Variants in LEKR1 observed in about 807,000 individuals in gnomAD.
LEKR1 encodes protein LEKR1.
Under a neutral mutation model 72.4 loss-of-function variants are expected in LEKR1, and 59 were observed. The ratio of observed to expected loss-of-function variants is 0.82; its 90% CI spans 0.66 to 1.01. LEKR1 has a LOEUF of 1.01. Ranked by LOEUF, LEKR1 falls within the 50% of genes least tolerant of loss-of-function variation. The pLI, the probability that LEKR1 is intolerant of heterozygous loss-of-function variation, is 0.00. For synonymous variants in LEKR1, 257 were observed against 263.2 expected, an observed-to-expected ratio of 0.98 and a Z score of 0.23; for missense variants, 728 against 759.2, an observed-to-expected ratio of 0.96 and a Z score of 0.48.
At chr3:156,922,150 A>C (rs1724255871) in intron 4 of LEKR1, among the ~76,000 whole-genome samples, 1 of 152,196 alleles carries the variant, frequency 6.6e-6, no homozygotes, top group African/African-American at 2.4e-5. Context: ...TTTGTAATAG[A>C]TGAATAGAAA....
chr3:156,982,340 T>C (rs762157059), intron 7 of LEKR1, among the ~76,000 whole-genome samples: 2 of 151,212 alleles, frequency 1.3e-5, no homozygotes, highest in African/African-American at 2.4e-5. Context: ...TCCTCCACTC[T>C]AGAGGCCTCA....
chr3:156,995,935 C>G (rs1263428801), intron 9 of LEKR1, among the ~76,000 whole-genome samples: 3 of 152,094 alleles, frequency 2.0e-5, no homozygotes, highest in Admixed American at 1.3e-4. Context: ...CTTCTTTTTT[C>G]TAGGCTACTT....
intron 6 of LEKR1, among the ~76,000 whole-genome samples, chr3:156,963,443 C>A (rs182533291): frequency 7.2e-5 from 11 of 152,276 alleles, no homozygotes; most frequent in Admixed American, 3.3e-4. Flanking sequence ...CATTTATGGG[C>A]TGACAGCATA....
intron 9 of LEKR1, among the ~76,000 whole-genome samples, chr3:157,006,821 A>G (rs1732473627): frequency 6.6e-6 from 1 of 152,218 alleles, no homozygotes; most frequent in Non-Finnish European, 1.5e-5. Flanking sequence ...TTCAGAATAT[A>G]TCTACATATC....
intron 6 of LEKR1, among the ~76,000 whole-genome samples, chr3:156,974,105 A>G (rs1729489123): frequency 6.6e-6 from 1 of 152,188 alleles, no homozygotes; most frequent in Admixed American, 6.6e-5. Context: ...TATGGTGACA[A>G]GGTTTCAGGT....
chr3:156,981,574 C>T (rs1296137923), intron 7 of LEKR1, among the ~76,000 whole-genome samples: 3 of 152,172 alleles, frequency 2.0e-5, no homozygotes, highest in Admixed American at 2.0e-4. Flanking sequence ...TAAATGGCTC[C>T]AAGTGCTGGA....
chr3:156,970,025 A>G (rs1427588881), intron 6 of LEKR1, among the ~76,000 whole-genome samples: 1 of 152,240 alleles, frequency 6.6e-6, no homozygotes, highest in Non-Finnish European at 1.5e-5. Flanking sequence ...CAAAAACCAT[A>G]TGATTATCTC....
chr3:156,944,286 A>G (rs1726486765), intron 6 of LEKR1, among the ~76,000 whole-genome samples: 1 of 151,726 alleles, frequency 6.6e-6, no homozygotes, highest in African/African-American at 2.4e-5. Context: ...TTGTGGGTAC[A>G]TAGTAGGGGT....
chr3:156,849,444 T>C (rs1256009876), intron 2 of LEKR1, among the ~76,000 whole-genome samples: 2 of 152,068 alleles, frequency 1.3e-5, no homozygotes, highest in African/African-American at 2.4e-5. Context: ...GAGCCCACAT[T>C]GCCAAGTCAA....
intron 6 of LEKR1, among the ~76,000 whole-genome samples, chr3:156,965,731 G>A (rs1728504072): frequency 2.0e-5 from 3 of 152,150 alleles, no homozygotes; most frequent in Admixed American, 6.5e-5. Flanking sequence ...AATGAATTAT[G>A]TAAGTGGCTG....
At chr3:156,845,484 A>C (rs1435616659) in intron 2 of LEKR1, among the ~76,000 whole-genome samples, 1 of 151,020 alleles carries the variant, frequency 6.6e-6, no homozygotes, top group African/African-American at 2.4e-5. Flanking sequence ...TTTATATTTT[A>C]TATTTTTGTC....
At chr3:156,953,144 A>G (rs1274073530) in intron 6 of LEKR1, among the ~76,000 whole-genome samples, 1 of 144,820 alleles carries the variant, frequency 6.9e-6, no homozygotes, top group Non-Finnish European at 1.5e-5. Context: ...TGAATGAGAG[A>G]TGAATGAGGG....
At chr3:156,898,116 A>G (rs1178070177) in intron 3 of LEKR1, among the ~76,000 whole-genome samples, 1 of 152,168 alleles carries the variant, frequency 6.6e-6, no homozygotes, top group Non-Finnish European at 1.5e-5. Flanking sequence ...GAAAAAAAAT[A>G]TCTAGCTATG....
chr3:156,853,738 A>G (rs905962473), intron 3 of LEKR1, among the ~76,000 whole-genome samples: 1 of 152,110 alleles, frequency 6.6e-6, no homozygotes, highest in Non-Finnish European at 1.5e-5. Flanking sequence ...AATTGTATTA[A>G]ATGCCAGTTG....
At chr3:156,998,138 G>A (rs1156407211) in intron 9 of LEKR1, among the ~76,000 whole-genome samples, 2 of 151,808 alleles carry the variant, frequency 1.3e-5, no homozygotes, top group African/African-American at 4.8e-5. Context: ...CCATCCTACT[G>A]GGACACAAGG....
At chr3:156,943,149 C>T (rs188994020) in intron 6 of LEKR1, among the ~76,000 whole-genome samples, 20 of 151,930 alleles carry the variant, frequency 1.3e-4, no homozygotes, top group African/African-American at 4.3e-4. Context: ...AGTGTCTTGA[C>T]AGTAAATGTA....
At chr3:156,846,841 C>T (rs554223867) in intron 2 of LEKR1, among the ~76,000 whole-genome samples, 1 of 152,108 alleles carries the variant, frequency 6.6e-6, no homozygotes, top group Non-Finnish European at 1.5e-5. Flanking sequence ...GAAACAAGGT[C>T]TTGCTCTGTT....
chr3:156,883,165 C>A (rs9851913), intron 3 of LEKR1, among the ~76,000 whole-genome samples: 99,627 of 137,292 alleles, frequency 0.73, 33,009 homozygotes, highest in Admixed American at 0.78. Flanking sequence ...TAATAAAGAA[C>A]GAAAGAAAGA....
chr3:156,865,360 A>G (rs1324807237), intron 3 of LEKR1, among the ~76,000 whole-genome samples: 1 of 151,948 alleles, frequency 6.6e-6, no homozygotes, highest in Non-Finnish European at 1.5e-5. Context: ...TTTGTCATGG[A>G]GTTACTCTGA....
Sources: allele counts gnomAD v4.1 joint callset (sites outside exome capture counted in the v4.1 genomes callset), GRCh38; gene constraint gnomAD v4.1.1; transcripts MANE v1.5; gene names NCBI Gene and HGNC (gene_info 2026-07-23, HGNC 2026-07-21).